The following HMCN1 variants were observed in gnomAD, a reference collection of about 807,000 sequenced individuals.
The protein encoded by HMCN1 is hemicentin 1.
In HMCN1, 321 loss-of-function variants were observed where a neutral mutation model predicts 625.9. That is an observed-to-expected ratio of 0.51 (90% CI 0.47 to 0.56). The LOEUF is 0.56. Ranked by LOEUF, HMCN1 falls within the 20% of genes least tolerant of loss-of-function variation. The probability of loss-of-function intolerance (pLI) is 0.00; values close to 1 mark genes in which losing one functional copy is unlikely to be tolerated. For missense variants in HMCN1, 6,588 were observed against 6,887.3 expected (o/e 0.96, Z 1.54); for synonymous variants, 2,425 against 2,417.6 (o/e 1.00, Z -0.09).
rs376950753 is a variant in HMCN1, at chr1:185,982,256, A to C, written c.2663-6A>C. On this transcript the variant is annotated splice_polypyrimidine_tract_variant and splice_region_variant and intron_variant, in intron 17 of 106. Transcript: ENST00000271588. ...TTGAAAGTGCCTGTGCTCTCTCTTG[A>C]TTTAGTTGCTCCACTTATTGGAATC... 6.8e-5 allele frequency: 109 copies of C among 1,613,560 alleles called. No homozygotes were observed. Among genetic ancestry groups the C allele is most frequent in the Non-Finnish European group, 8.5e-5 (100 of 1,179,810 alleles).
At chr1:186,040,931 C>G in intron 39 of HMCN1, 82 bp from the exon 40 acceptor site, 1 of 1,499,030 alleles carries the variant, frequency 6.7e-7, no homozygotes, top group Non-Finnish European at 9.3e-7. Flanking sequence ...ACTGATAAGC[C>G]TCAAAAAAAT....
intron 48 of HMCN1, among the ~76,000 whole-genome samples, chr1:186,063,066 G>GTGTGTATATATATATA (rs1491400415): frequency 3.3e-5 from 1 of 29,934 alleles, no homozygotes; most frequent in Non-Finnish European, 6.0e-5. Context: ...GTGTGTGTGT[G>GTGTGTATATATATATA]CATATATATA....
intron 30 of HMCN1, 122 bp downstream of exon 30, chr1:186,007,404 G>C (rs1653714945): frequency 1.2e-6 from 1 of 861,076 alleles, no homozygotes; most frequent in East Asian, 2.5e-5. Flanking sequence ...TACTTCAAGA[G>C]AAGAAGGAGC....
intron 1 of HMCN1, among the ~76,000 whole-genome samples, chr1:185,795,642 G>A (rs1240379599): frequency 6.6e-6 from 1 of 152,216 alleles, no homozygotes; most frequent in Non-Finnish European, 1.5e-5. Flanking sequence ...GATAGATCAT[G>A]AAGAGGAGCA....
At position 186,093,272 on chromosome 1, in the gene HMCN1, AT is replaced by A; in HGVS notation, c.10012+15del. ...TGAATGTCTATGGTAAATATGAAAT[AT>A]CCCCCTCTTTTGATGATGCTGCCTT... On this transcript the variant is annotated intron_variant, in intron 65 of 106. Transcript: ENST00000271588. The A allele has an allele frequency of 6.2e-7, 1 of 1,613,242 alleles. No homozygotes were observed. Among genetic ancestry groups the A allele is most frequent in the Non-Finnish European group, 8.5e-7 (1 of 1,179,484 alleles).
intron 11 of HMCN1, among the ~76,000 whole-genome samples, chr1:185,944,405 T>C (rs755769521): frequency 6.6e-6 from 1 of 152,160 alleles, no homozygotes; most frequent in Non-Finnish European, 1.5e-5. Flanking sequence ...AATTCATCCA[T>C]GTAACAGAGA....
In HMCN1 at chr1:185,925,115, T is replaced by C. The variant is rs369384351; in HGVS notation, c.1354T>C (p.Ser452Pro). The change falls in exon 9 of 107, where the codon TCT becomes CCT. Residue 452 changes from serine (S) to proline (P), a missense_variant. Around this residue, in one of 3 missense-constraint regions of HMCN1, gnomAD observed 4,628 missense variants for 4,853.1 expected, o/e 0.95. Transcript: ENST00000271588. Reference protein sequence around the residue: ...YYLQPGQIPCSVDSLLPFTLS... With the variant: ...YYLQPGQIPCPVDSLLPFTLS... ...TCTGCAGCCGGGCCAAATTCCCTGC[T>C]CTGTTGACAGTCTTTTGCCCTTTAC... The C allele has an allele frequency of 2.5e-6, 4 of 1,613,904 alleles. No individual in the cohort carries two copies. In the South Asian group the frequency reaches 3.3e-5, roughly 13 times the overall value.
chr1:186,051,582 C>A (rs1261023802), intron 42 of HMCN1, among the ~76,000 whole-genome samples: 4 of 151,938 alleles, frequency 2.6e-5, no homozygotes, highest in African/African-American at 7.2e-5. Flanking sequence ...ATAGTAGTGG[C>A]AATCTATGTA....
In HMCN1 at chr1:186,163,374, C is replaced by T. The variant is rs111385237; in HGVS notation, c.15257-1737C>T. Among the ~76,000 whole-genome samples, 398 of 152,314 alleles carry T rather than the reference C, an allele frequency of 2.6e-3. 4 individuals are homozygous for T. Among genetic ancestry groups the T allele is most frequent in the African/African-American group, 9.3e-3 (385 of 41,562 alleles). ...CTTGCACTTCCCGAGTGAGGCAATGCCTCACCCTGCTTCGGCTCACGCACG... is the reference window on the plus strand; with the variant it reads ...CTTGCACTTCCCGAGTGAGGCAATGTCTCACCCTGCTTCGGCTCACGCACG... On this transcript the variant is annotated intron_variant, in intron 97 of 106. Coordinates refer to ENST00000271588, the MANE Select transcript of HMCN1 (RefSeq NM_031935.3).
At chr1:185,986,232 T>C (rs1052916340) in intron 19 of HMCN1, among the ~76,000 whole-genome samples, 4 of 152,188 alleles carry the variant, frequency 2.6e-5, no homozygotes, top group Non-Finnish European at 5.9e-5. Context: ...ATGTAGCATA[T>C]CTAATCTAAG....
At chr1:186,095,660 T>G in intron 68 of HMCN1, 139 bp downstream of exon 68, 10 of 823,730 alleles carry the variant, frequency 1.2e-5, no homozygotes, top group Non-Finnish European at 1.8e-5. Flanking sequence ...ATTTTTTTTA[T>G]AATTCACCTT....
Position 185,734,924 on chromosome 1 carries a change from A to G in HMCN1, c.145A>G (p.Thr49Ala). 1 of 1,614,064 alleles carries G rather than the reference A, an allele frequency of 6.2e-7. No homozygotes were observed. The highest frequency in any genetic ancestry group is 8.5e-7 in the Non-Finnish European group (1 of 1,180,012). The change falls in exon 1 of 107, where the codon ACT becomes GCT. Residue 49 changes from threonine to alanine, a missense_variant. Thr to Ala is a moderately conservative substitution (Grantham distance 58). Transcript: ENST00000271588. ...ASTLAFVFDVTGSMYDDLVQV... is the reference protein window; with the variant it reads ...ASTLAFVFDVAGSMYDDLVQV... ...CACGTTGGCTTTTGTGTTTGATGTG[A>G]CTGGTTCTATGTATGATGATTTAGT... is the stretch of plus-strand genomic sequence containing the variant.
intron 32 of HMCN1, among the ~76,000 whole-genome samples, chr1:186,016,497 CA>C (rs1445354505): frequency 6.6e-6 from 1 of 151,992 alleles, no homozygotes; most frequent in Non-Finnish European, 1.5e-5. Context: ...ACGTCTATGA[CA>C]ATGTCTAATC....
intron 1 of HMCN1, among the ~76,000 whole-genome samples, chr1:185,756,196 T>A (rs1201212537): frequency 6.6e-6 from 1 of 152,140 alleles, no homozygotes. Context: ...ATGGTGAAAT[T>A]TTGGGAGAAG....
chr1:186,039,892 A>G lies in HMCN1; in HGVS notation c.6180+13A>G. ...TAATGGATTACAGGTACCTTCATTC[A>G]TTTCTTTGGTGACATTTACCACCTG... On this transcript the variant is annotated intron_variant, in intron 39 of 106. Coordinates refer to ENST00000271588, the MANE Select transcript of HMCN1 (RefSeq NM_031935.3). 3 of 1,611,968 alleles carry G rather than the reference A, an allele frequency of 1.9e-6. No homozygotes were observed. Among genetic ancestry groups the G allele is most frequent in the Non-Finnish European group, 8.5e-7 (1 of 1,178,316 alleles).
At chr1:186,175,159 G>A (rs189022578) in intron 103 of HMCN1, among the ~76,000 whole-genome samples, 36 of 152,218 alleles carry the variant, frequency 2.4e-4, no homozygotes, top group African/African-American at 8.2e-4. Context: ...CCAGTTGCCT[G>A]TTTGTTTTCA....
At chr1:186,187,275 ACTG>A (rs1321758534) in intron 105 of HMCN1, among the ~76,000 whole-genome samples, 1 of 152,156 alleles carries the variant, frequency 6.6e-6, no homozygotes. Flanking sequence ...ATCAAGGTGA[ACTG>A]CTCCATTCGA....
intron 56 of HMCN1, among the ~76,000 whole-genome samples, chr1:186,082,143 T>C (rs1659202954): frequency 6.6e-6 from 1 of 152,190 alleles, no homozygotes; most frequent in South Asian, 2.1e-4. Flanking sequence ...CTTCAATGGT[T>C]CTGTGTCCAA....
At chr1:186,048,458 T>A (rs1656723574) in intron 41 of HMCN1, among the ~76,000 whole-genome samples, 1 of 152,090 alleles carries the variant, frequency 6.6e-6, no homozygotes, top group Admixed American at 6.6e-5. Flanking sequence ...TATCAGAAAT[T>A]GTACCTTTTC....
Sources: allele counts gnomAD v4.1 joint callset (sites outside exome capture counted in the v4.1 genomes callset), GRCh38; gene constraint gnomAD v4.1.1; regional missense constraint gnomAD v4.1.1; transcripts MANE v1.5; gene names NCBI Gene and HGNC (gene_info 2026-07-23, HGNC 2026-07-21).